The following LIN28B variants were observed in gnomAD, a reference collection of about 807,000 sequenced individuals.
The protein encoded by LIN28B is lin-28 RNA binding posttranscriptional regulator B, also known as protein lin-28 homolog B.
A neutral mutation model predicts 21.9 loss-of-function variants in LIN28B; 5 were observed. That is an observed-to-expected ratio of 0.23 (90% CI 0.12 to 0.48). LIN28B has a LOEUF of 0.48. Ranked by LOEUF, LIN28B falls within the 20% of genes least tolerant of loss-of-function variation. The pLI is 0.98. For missense variants in LIN28B, 245 were observed against 310.5 expected (o/e 0.79, Z 1.58); for synonymous variants, 109 against 111.3 (o/e 0.98, Z 0.13).
intron 3 of LIN28B, among the ~76,000 whole-genome samples, chr6:105,072,124 T>C (rs1772344447): frequency 6.6e-6 from 1 of 152,056 alleles, no homozygotes; most frequent in Non-Finnish European, 1.5e-5. Flanking sequence ...GTGTTTTAAA[T>C]TCAAGATCCT....
chr6:104,998,246 C>T (rs1770651845), intron 2 of LIN28B, among the ~76,000 whole-genome samples: 1 of 151,998 alleles, frequency 6.6e-6, no homozygotes, highest in Middle Eastern at 3.2e-3. Context: ...AAAATTTAAC[C>T]TATTATGTAA....
In LIN28B at chr6:105,053,714, C is replaced by CATGT. The variant is rs61525783; in HGVS notation, c.384-24700_384-24699insATGT. On this transcript the variant is annotated intron_variant, in intron 3 of 3. Transcript: ENST00000345080. ...TGTTTGTATGGTGTGTGTGTGGGTGCGTGTGTGTGTGTGTGTGTGTGTGTG... is the reference window on the plus strand; with the variant it reads ...TGTTTGTATGGTGTGTGTGTGGGTGCATGTGTGTGTGTGTGTGTGTGTGTGTGTG... Among the ~76,000 whole-genome samples the CATGT allele has an allele frequency of 2.2e-3, 318 of 147,374 alleles. 2 individuals are homozygous for CATGT. Among genetic ancestry groups the CATGT allele is most frequent in the African/African-American group, 5.8e-3 (230 of 39,550 alleles).
chr6:104,948,055 TGAATG>T (rs1399852162), intron 2 of LIN28B, among the ~76,000 whole-genome samples: 1 of 152,204 alleles, frequency 6.6e-6, no homozygotes, highest in Non-Finnish European at 1.5e-5. Flanking sequence ...ATCTAAATGA[TGAATG>T]GAGATTATTC....
At chr6:104,950,662 C>G (rs1227072904) in intron 3 of LIN28B, among the ~76,000 whole-genome samples, 3 of 152,012 alleles carry the variant, frequency 2.0e-5, no homozygotes, top group African/African-American at 4.8e-5. Flanking sequence ...ATACTTCGTC[C>G]TGATCACTCC....
chr6:104,950,276 G>T (rs1687894792), intron 2 of LIN28B, among the ~76,000 whole-genome samples: 1 of 151,848 alleles, frequency 6.6e-6, no homozygotes, highest in Non-Finnish European at 1.5e-5. Flanking sequence ...GATATAAAAG[G>T]CAAGTATATG....
intron 2 of LIN28B, among the ~76,000 whole-genome samples, chr6:105,020,356 T>TC (rs34374873): frequency 6.6e-6 from 1 of 151,824 alleles, no homozygotes; most frequent in African/African-American, 2.4e-5. Flanking sequence ...TTTTTTTTTT[T>TC]CCTGAGTCAG....
chr6:104,975,507 C>T (rs1001892276), intron 2 of LIN28B, among the ~76,000 whole-genome samples: 3 of 152,156 alleles, frequency 2.0e-5, no homozygotes, highest in African/African-American at 7.2e-5. Context: ...CTTCTCTCTA[C>T]CAAGCCTTCT....
At chr6:105,069,871 C>T (rs1329052311) in intron 3 of LIN28B, among the ~76,000 whole-genome samples, 1 of 152,014 alleles carries the variant, frequency 6.6e-6, no homozygotes, top group Non-Finnish European at 1.5e-5. Flanking sequence ...AGCTTTTCTG[C>T]CATCACAACC....
chr6:104,951,830 A>G (rs756912371), intron 3 of LIN28B, among the ~76,000 whole-genome samples: 7 of 152,226 alleles, frequency 4.6e-5, no homozygotes, highest in African/African-American at 9.6e-5. Flanking sequence ...TGATTAGCCC[A>G]AGGCCACAGA....
chr6:104,938,378 G>A (rs1041011370), intron 2 of LIN28B, among the ~76,000 whole-genome samples: 2 of 152,076 alleles, frequency 1.3e-5, no homozygotes, highest in African/African-American at 4.8e-5. Flanking sequence ...GGTGGATCAC[G>A]CCTGTAATCC....
chr6:105,054,335 C>T (rs1771979574), intron 3 of LIN28B, among the ~76,000 whole-genome samples: 1 of 152,168 alleles, frequency 6.6e-6, no homozygotes, highest in Non-Finnish European at 1.5e-5. Context: ...TGTAACAATG[C>T]TACCAAAATT....
intron 2 of LIN28B, among the ~76,000 whole-genome samples, chr6:104,996,689 A>G (rs995809584): frequency 6.6e-6 from 1 of 152,198 alleles, no homozygotes; most frequent in Non-Finnish European, 1.5e-5. Context: ...ACTTTGGAAT[A>G]TCCTTCATGT....
At position 105,078,601 on chromosome 6, in the gene LIN28B, C is replaced by G. The variant is rs1312767658; in HGVS notation, c.571C>G (p.Leu191Val). ...EAESQPCTSTLPREVGGGHGC... is the reference protein window; with the variant it reads ...EAESQPCTSTVPREVGGGHGC... ...AGAATCCCAGCCATGCACTTCAACTCTCCCTCGAGAAGTGGGAGGCGGGCA... is the reference window on the plus strand; with the variant it reads ...AGAATCCCAGCCATGCACTTCAACTGTCCCTCGAGAAGTGGGAGGCGGGCA... The change falls in exon 4 of 4, where the codon CTC becomes GTC. Residue 191 changes from leucine to valine, a missense_variant. By Grantham distance (32) the Leu-to-Val change is conservative (BLOSUM62 1). Coordinates refer to ENST00000345080, the MANE Select transcript of LIN28B (RefSeq NM_001004317.4). 6.2e-7 allele frequency: 1 copy of G among 1,614,006 alleles called. No homozygotes were observed. The highest frequency in any genetic ancestry group is 1.3e-5 in the African/African-American group (1 of 74,920).
chr6:105,024,745 G>T (rs888555175), intron 2 of LIN28B, among the ~76,000 whole-genome samples: 6 of 152,050 alleles, frequency 3.9e-5, no homozygotes, highest in Non-Finnish European at 5.9e-5. Context: ...GTCTCCTTTT[G>T]CAATGAATTT....
rs1332265959 is a variant in LIN28B at position 104,958,101 on chromosome 6, G to C, written c.13G>C (p.Gly5Arg). The C allele has an allele frequency of 6.4e-7, 1 of 1,565,860 alleles. No individual in the cohort carries two copies. The highest frequency in any genetic ancestry group is 1.3e-5 in the African/African-American group (1 of 74,108). Residue 5 changes from glycine (G) to arginine (R), a missense_variant and splice_region_variant, in exon 2 of 4, where the codon GGG becomes CGG. Physicochemically the swap from Gly to Arg is moderately radical, Grantham distance 125 (BLOSUM62 -2). Transcript: ENST00000345080. Reference protein sequence around the residue: MAEGGASKGGGEEPG... With the variant: MAEGRASKGGGEEPG... ...TTTTTTGTCCTGTTCCTTCTCAGGC[G>C]GGGCTAGCAAAGGTGGTGGAGAAGA... is the stretch of plus-strand genomic sequence containing the variant.
At chr6:104,973,144 T>A (rs1398403365) in intron 2 of LIN28B, among the ~76,000 whole-genome samples, 1 of 152,012 alleles carries the variant, frequency 6.6e-6, no homozygotes, top group Admixed American at 6.6e-5. Flanking sequence ...AAATGATGTT[T>A]GGGAAATTGT....
chr6:105,068,426 A>T (rs953948304), intron 3 of LIN28B, among the ~76,000 whole-genome samples: 2 of 152,216 alleles, frequency 1.3e-5, no homozygotes, highest in Non-Finnish European at 2.9e-5. Context: ...AAGAGGTTAG[A>T]ACAGTAGTTG....
chr6:104,992,215 C>G (rs911139387), intron 2 of LIN28B, among the ~76,000 whole-genome samples: 1 of 151,996 alleles, frequency 6.6e-6, no homozygotes, highest in Non-Finnish European at 1.5e-5. Flanking sequence ...CATGCATCAC[C>G]ACACCTGGCT....
chr6:104,964,337 A>G (rs1769813347), intron 2 of LIN28B, among the ~76,000 whole-genome samples: 1 of 152,174 alleles, frequency 6.6e-6, no homozygotes, highest in Admixed American at 6.5e-5. Context: ...TTGATGTACT[A>G]TATTCTTACT....
Sources: gnomAD v4.1 joint callset for allele counts (sites outside exome capture counted in the v4.1 genomes callset) on GRCh38, gnomAD v4.1.1 for gene constraint, MANE v1.5 for transcripts, NCBI Gene and HGNC (gene_info 2026-07-23, HGNC 2026-07-21) for gene names.